ADAMTS9: variants seen among roughly 807,000 people sequenced by gnomAD.
ADAMTS9 encodes the protein ADAM metallopeptidase with thrombospondin type 1 motif 9, also known as A disintegrin and metalloproteinase with thrombospondin motifs 9.
ADAMTS9 carries 107 observed loss-of-function variants against 257.1 expected under a neutral mutation model. That is an observed-to-expected ratio of 0.42 (90% confidence interval 0.36 to 0.49). The LOEUF (loss-of-function observed/expected upper bound fraction) is 0.49, where lower values mean the gene tolerates loss of function less well. ADAMTS9 is among the 20% of genes least tolerant of loss of function. The pLI is 0.03. For missense variants in ADAMTS9, 2,353 were observed against 2,469.1 expected (o/e 0.95, Z 1.00); for synonymous variants, 982 against 880.9 (o/e 1.11, Z -2.03).
intron 16 of ADAMTS9, among the ~76,000 whole-genome samples, chr3:64,629,869 G>C (rs947033734): frequency 6.6e-6 from 1 of 152,198 alleles, no homozygotes; most frequent in African/African-American, 2.4e-5. Flanking sequence ...AGCATGCTTA[G>C]CTGAAGGCTC....
intron 38 of ADAMTS9, among the ~76,000 whole-genome samples, chr3:64,528,875 C>T (rs7609616): frequency 3.3e-4 from 50 of 152,234 alleles, no homozygotes; most frequent in African/African-American, 1.1e-3. Context: ...CCTCTCCCCA[C>T]CCCCATTTTC....
chr3:64,584,828 C>T (rs2084106186), intron 28 of ADAMTS9, among the ~76,000 whole-genome samples: 3 of 152,034 alleles, frequency 2.0e-5, no homozygotes, highest in South Asian at 2.1e-4. Context: ...GACATAACAT[C>T]CCATCATCTC....
chr3:64,661,859 TAAGTA>T (rs1344560420), intron 3 of ADAMTS9, among the ~76,000 whole-genome samples: 1 of 152,146 alleles, frequency 6.6e-6, no homozygotes, highest in African/African-American at 2.4e-5. Context: ...TTTATTATAG[TAAGTA>T]AAGTGTTAGA....
chr3:64,567,431 A>G (rs2083572374), intron 29 of ADAMTS9, among the ~76,000 whole-genome samples: 1 of 152,220 alleles, frequency 6.6e-6, no homozygotes, highest in East Asian at 1.9e-4. Context: ...TAAATACAGA[A>G]TGTTTTAAAA....
At chr3:64,648,811 A>G (rs1700860701) in intron 10 of ADAMTS9, among the ~76,000 whole-genome samples, 1 of 152,148 alleles carries the variant, frequency 6.6e-6, no homozygotes, top group South Asian at 2.1e-4. Context: ...GAGACCCTAT[A>G]ATTTGTTTAA....
At chr3:64,651,252 G>T (rs1576161367) in intron 8 of ADAMTS9, 89 bp from the exon 9 acceptor site, 1 of 1,219,696 alleles carries the variant, frequency 8.2e-7, no homozygotes, top group Non-Finnish European at 1.1e-6. Context: ...CTATCTAAGA[G>T]AAAAAAATTT....
chr3:64,678,916 G>T (rs1701688788), intron 3 of ADAMTS9, among the ~76,000 whole-genome samples: 1 of 152,162 alleles, frequency 6.6e-6, no homozygotes, highest in South Asian at 2.1e-4. Context: ...AAACTGCTGG[G>T]CTCCTGGTTC....
At chr3:64,658,428 G>A (rs1701138262) in intron 4 of ADAMTS9, 74 bp downstream of exon 4, 1 of 1,450,392 alleles carries the variant, frequency 6.9e-7, no homozygotes. Flanking sequence ...GTCCTCCAAA[G>A]CACTGAGTGG....
In ADAMTS9 at chr3:64,633,458, C is replaced by T. The variant is rs1282541320; in HGVS notation, c.2175+14G>A. On this transcript the variant is annotated intron_variant, in intron 14 of 39. Coordinates refer to ENST00000498707, the MANE Select transcript of ADAMTS9 (RefSeq NM_182920.2). ...CGGGAAAACACAGTGAAGAAAACAC[C>T]ATCAAGGACTTACCCGGCAAAGGCC... 1.2e-6 allele frequency: 2 copies of T among 1,613,420 alleles called. No homozygotes were observed. Among genetic ancestry groups the T allele is most frequent in the Non-Finnish European group, 1.7e-6 (2 of 1,179,776 alleles).
chr3:64,541,101 T>C lies in ADAMTS9; in HGVS notation c.5515A>G (p.Ile1839Val). 5.6e-6 allele frequency: 9 copies of C among 1,614,006 alleles called. No individual in the cohort carries two copies. Among genetic ancestry groups the C allele is most frequent in the Non-Finnish European group, 7.6e-6 (9 of 1,179,888 alleles). The change falls in exon 36 of 40, where the codon ATA (isoleucine) becomes GTA (valine). Residue 1839 changes from isoleucine (I) to valine (V), a missense_variant. By Grantham distance (29) the Ile-to-Val change is conservative. Around this residue, in one of 3 missense-constraint regions of ADAMTS9, gnomAD observed 1,402 missense variants for 1,441.4 expected, o/e 0.97. Coordinates refer to ENST00000498707, the MANE Select transcript of ADAMTS9 (RefSeq NM_182920.2). ...GGACTCCTCACTAACTTACTGATTA[T>C]CTGCATGCTGGTCAGGTCTATTCTG... ...KIRIDLTSMQ[I>V]ITTDLQFART...
rs561277813 is a variant in ADAMTS9, at chr3:64,574,485, G to A, written c.4357-5950C>T. On this transcript the variant is annotated intron_variant, in intron 28 of 39. Coordinates refer to ENST00000498707, the MANE Select transcript of ADAMTS9 (RefSeq NM_182920.2). ...TGACTTTAATGCCAGAATTTTGGGA[G>A]GCAGAGGTGGGAGGATCACTTGAAC... Among the ~76,000 whole-genome samples, 4 of 148,546 alleles carry A rather than the reference G, an allele frequency of 2.7e-5. No homozygotes were observed. The South Asian group carries it at 8.5e-4, about 32-fold the overall frequency.
intron 38 of ADAMTS9, among the ~76,000 whole-genome samples, chr3:64,525,124 G>T (rs545832038): frequency 6.6e-6 from 1 of 152,178 alleles, no homozygotes; most frequent in African/African-American, 2.4e-5. Flanking sequence ...CCAATACCTT[G>T]TTAAAACCTG....
chr3:64,637,514 G>T (rs1369278494), intron 12 of ADAMTS9, among the ~76,000 whole-genome samples: 2 of 152,198 alleles, frequency 1.3e-5, no homozygotes, highest in African/African-American at 4.8e-5. Context: ...AATTCAAGAT[G>T]ATGCATGACC....
intron 3 of ADAMTS9, among the ~76,000 whole-genome samples, chr3:64,678,794 T>C (rs758128074): frequency 2.6e-5 from 4 of 152,188 alleles, no homozygotes; most frequent in Non-Finnish European, 5.9e-5. Flanking sequence ...CGTGCCATAT[T>C]CTAAACTGTT....
chr3:64,567,395 A>T (rs891621603), intron 29 of ADAMTS9, among the ~76,000 whole-genome samples: 1 of 152,242 alleles, frequency 6.6e-6, no homozygotes, highest in African/African-American at 2.4e-5. Flanking sequence ...TCATTGATTC[A>T]GATCAGTGGA....
At chr3:64,632,003 T>TA in intron 14 of ADAMTS9, 78 bp from the exon 15 acceptor site, 1 of 1,101,122 alleles carries the variant, frequency 9.1e-7, no homozygotes, top group Non-Finnish European at 1.3e-6. Context: ...TTTCTTTTAA[T>TA]CGTGTGCACT....
intron 16 of ADAMTS9, among the ~76,000 whole-genome samples, chr3:64,623,546 T>G (rs1044226263): frequency 6.6e-6 from 1 of 152,176 alleles, no homozygotes; most frequent in Non-Finnish European, 1.5e-5. Context: ...CCAAATTCCT[T>G]ACATGAGAAA....
In ADAMTS9 at chr3:64,684,269, C is replaced by A. The variant is rs546084190; in HGVS notation, c.516+2299G>T. Among the ~76,000 whole-genome samples the A allele has an allele frequency of 2.0e-5, 3 of 152,216 alleles. No homozygotes were observed. In the East Asian group the frequency reaches 5.8e-4, roughly 29 times the overall value. ...GCCCAGTGTAATATTTCTTAGACAT[C>A]AGTCCTAAGGAGAGAGGGGGAGAAA... On this transcript the variant is annotated intron_variant, in intron 2 of 39. Coordinates refer to ENST00000498707, the MANE Select transcript of ADAMTS9 (RefSeq NM_182920.2).
chr3:64,546,998 G>T (rs112056171), intron 31 of ADAMTS9, 46 bp from the exon 32 acceptor site: 7 of 1,556,196 alleles, frequency 4.5e-6, no homozygotes, highest in African/African-American at 1.3e-5. Flanking sequence ...AGTTCCTGGG[G>T]GCAGCCCACA....
Sources: allele counts gnomAD v4.1 joint callset (sites outside exome capture counted in the v4.1 genomes callset), GRCh38; gene constraint gnomAD v4.1.1; regional missense constraint gnomAD v4.1.1; transcripts MANE v1.5; gene names NCBI Gene and HGNC (gene_info 2026-07-23, HGNC 2026-07-21).